Variants in CRPPA observed in about 807,000 individuals in gnomAD.
CRPPA encodes the protein CDP-L-ribitol pyrophosphorylase A.
A neutral mutation model predicts 52.0 loss-of-function variants in CRPPA; 43 were observed. The ratio of observed to expected loss-of-function variants is 0.83; its 90% confidence interval spans 0.65 to 1.07. The LOEUF (loss-of-function observed/expected upper bound fraction) is 1.07, where lower values mean the gene tolerates loss of function less well. Among genes scored for constraint, CRPPA ranks in the 50% least tolerant of loss-of-function variants. CRPPA has a pLI of 0.00. For synonymous variants in CRPPA, 250 were observed against 203.5 expected, an observed-to-expected ratio of 1.23 and a Z score of -1.94; for missense variants, 629 against 551.7, an observed-to-expected ratio of 1.14 and a Z score of -1.40.
chr7:16,101,977 A>G (rs972150924), intron 9 of CRPPA, among the ~76,000 whole-genome samples: 1 of 152,180 alleles, frequency 6.6e-6, no homozygotes, highest in African/African-American at 2.4e-5. Context: ...ATATGGAACC[A>G]AAAAAGAGCC....
intron 9 of CRPPA, among the ~76,000 whole-genome samples, chr7:16,143,265 C>T (rs1782908371): frequency 6.6e-6 from 1 of 152,122 alleles, no homozygotes; most frequent in Non-Finnish European, 1.5e-5. Flanking sequence ...CCATATGTTT[C>T]TGGAGATTTA....
chr7:16,369,218 G>A (rs1317645287), intron 3 of CRPPA, among the ~76,000 whole-genome samples: 6 of 152,070 alleles, frequency 3.9e-5, no homozygotes, highest in African/African-American at 1.4e-4. Context: ...CATTTTAAGG[G>A]CTCCCAACAC....
chr7:16,100,270 G>T (rs1316730729), intron 9 of CRPPA, among the ~76,000 whole-genome samples: 2 of 152,104 alleles, frequency 1.3e-5, no homozygotes, highest in African/African-American at 4.8e-5. Context: ...CTCTTAAGAT[G>T]TCATCTATTT....
chr7:16,127,493 A>G (rs998404030), intron 9 of CRPPA, among the ~76,000 whole-genome samples: 2 of 152,194 alleles, frequency 1.3e-5, no homozygotes, highest in Non-Finnish European at 2.9e-5. Context: ...ATCAACTCAC[A>G]AAACAATGTG....
At chr7:16,219,023 A>G (rs1782420255) in intron 8 of CRPPA, among the ~76,000 whole-genome samples, 1 of 152,190 alleles carries the variant, frequency 6.6e-6, no homozygotes, top group African/African-American at 2.4e-5. Flanking sequence ...CTATTCCAAA[A>G]TTTACCACAT....
At chr7:16,094,994 G>C (rs888632737) in intron 9 of CRPPA, among the ~76,000 whole-genome samples, 1 of 152,112 alleles carries the variant, frequency 6.6e-6, no homozygotes, top group African/African-American at 2.4e-5. Flanking sequence ...TATGCACTTT[G>C]TTAATAATAA....
chr7:16,130,710 G>A (rs561046281), intron 9 of CRPPA, among the ~76,000 whole-genome samples: 10 of 152,296 alleles, frequency 6.6e-5, no homozygotes, highest in Non-Finnish European at 1.3e-4. Flanking sequence ...ATTAGGTCCA[G>A]ATGAATATCA....
chr7:16,125,888 T>TAC (rs3083131), intron 9 of CRPPA, among the ~76,000 whole-genome samples: 5,525 of 134,116 alleles, frequency 0.041, 228 homozygotes, highest in African/African-American at 0.11. Context: ...GAAGCTTGCC[T>TAC]ACACACACAC....
intron 2 of CRPPA, among the ~76,000 whole-genome samples, chr7:16,376,492 AG>A (rs1041031390): frequency 2.0e-5 from 3 of 152,148 alleles, no homozygotes; most frequent in Admixed American, 2.0e-4. Flanking sequence ...TTCTGATCAC[AG>A]GCCATTGAAG....
chr7:16,104,381 T>C (rs550278317), intron 9 of CRPPA, among the ~76,000 whole-genome samples: 4 of 152,132 alleles, frequency 2.6e-5, no homozygotes, highest in African/African-American at 7.2e-5. Context: ...AATCAACATA[T>C]AGATGAAGTC....
chr7:16,155,805 A>G (rs936640378), intron 9 of CRPPA, among the ~76,000 whole-genome samples: 21 of 152,180 alleles, frequency 1.4e-4, no homozygotes, highest in African/African-American at 5.1e-4. Context: ...CAGCACGTCA[A>G]TTCCCACATT....
chr7:16,181,927 A>C (rs1781420139), intron 9 of CRPPA, among the ~76,000 whole-genome samples: 1 of 151,992 alleles, frequency 6.6e-6, no homozygotes. Context: ...TTTAATATAT[A>C]GTTCATATAT....
At chr7:16,258,184 C>G (rs1437768839) in intron 8 of CRPPA, among the ~76,000 whole-genome samples, 1 of 152,032 alleles carries the variant, frequency 6.6e-6, no homozygotes, top group East Asian at 1.9e-4. Flanking sequence ...GATTTCCAAA[C>G]CTGTCAGTTC....
chr7:16,192,291 T>C (rs533888975), intron 9 of CRPPA, among the ~76,000 whole-genome samples: 2 of 152,072 alleles, frequency 1.3e-5, no homozygotes, highest in Non-Finnish European at 2.9e-5. Context: ...TGGTTCTGTG[T>C]CTCTGGAGAA....
At chr7:16,096,145 C>A (rs1781931174) in intron 9 of CRPPA, among the ~76,000 whole-genome samples, 1 of 152,076 alleles carries the variant, frequency 6.6e-6, no homozygotes, top group Non-Finnish European at 1.5e-5. Context: ...TTCAGCAATA[C>A]AACTGCTTGC....
At chr7:16,192,977 A>C (rs1781646104) in intron 9 of CRPPA, among the ~76,000 whole-genome samples, 1 of 152,134 alleles carries the variant, frequency 6.6e-6, no homozygotes, top group South Asian at 2.1e-4. Context: ...TCTTTAAATC[A>C]GTTGGTATGA....
rs191499329 is a variant in CRPPA at position 16,144,433 on chromosome 7, A to G, written c.1252-52634T>C. ...GCAGGAGTTCAGTCAGGGTGGTGGG[A>G]AAAGTTGTAAGAAAAAGTTTTAGGG... is the stretch of plus-strand genomic sequence containing the variant. On this transcript the variant is annotated intron_variant, in intron 9 of 9. Transcript: ENST00000407010. Among the ~76,000 whole-genome samples the G allele has an allele frequency of 3.3e-5, 5 of 152,292 alleles. No individual in the cohort carries two copies. The East Asian group carries it at 9.7e-4, about 29-fold the overall frequency.
chr7:16,399,960 C>T (rs190978223), intron 2 of CRPPA, among the ~76,000 whole-genome samples: 158 of 152,226 alleles, frequency 1.0e-3, no homozygotes, highest in Middle Eastern at 3.4e-3. Context: ...ACTGACATGG[C>T]TTACATGTGA....
At chr7:16,256,768 T>G (rs1309292137) in intron 8 of CRPPA, among the ~76,000 whole-genome samples, 3 of 150,342 alleles carry the variant, frequency 2.0e-5, no homozygotes, top group Non-Finnish European at 4.4e-5. Context: ...TGTTGGGGAG[T>G]GGGGGGCTGG....
Sources: gnomAD v4.1 joint callset for allele counts (sites outside exome capture counted in the v4.1 genomes callset) on GRCh38, gnomAD v4.1.1 for gene constraint, MANE v1.5 for transcripts, NCBI Gene and HGNC (gene_info 2026-07-23, HGNC 2026-07-21) for gene names.